Variants in PTPRK observed in about 807,000 individuals in gnomAD.
PTPRK encodes the protein receptor-type tyrosine-protein phosphatase kappa.
Under a neutral mutation model 178.0 loss-of-function variants are expected in PTPRK, and 75 were observed. That is an observed-to-expected ratio of 0.42 (90% confidence interval 0.35 to 0.51). The LOEUF (loss-of-function observed/expected upper bound fraction) is 0.51. Ranked by LOEUF, PTPRK falls within the 20% of genes least tolerant of loss-of-function variation. The pLI is 0.02. For missense variants in PTPRK, 1,441 were observed against 1,797.8 expected (o/e 0.80, Z 3.59); for synonymous variants, 637 against 620.6 (o/e 1.03, Z -0.39).
chr6:128,449,347 A>G (rs1847459248), intron 1 of PTPRK, among the ~76,000 whole-genome samples: 1 of 152,174 alleles, frequency 6.6e-6, no homozygotes, highest in South Asian at 2.1e-4. Context: ...AAAAGAGCTC[A>G]ATACCTATAC....
intron 1 of PTPRK, among the ~76,000 whole-genome samples, chr6:128,471,253 G>T (rs1171056611): frequency 6.6e-6 from 1 of 151,950 alleles, no homozygotes; most frequent in East Asian, 1.9e-4. Flanking sequence ...ATTTTACAGG[G>T]CATCCAGTTT....
Position 128,163,249 on chromosome 6 carries a change from A to G in PTPRK, c.1162+21183T>C, listed in dbSNP as rs557404972. 1.1e-4 allele frequency among the ~76,000 whole-genome samples: 16 copies of G among 151,384 alleles called. No homozygotes were observed. The East Asian group carries it at 2.9e-3, about 28-fold the overall frequency. On this transcript the variant is annotated intron_variant, in intron 7 of 29. Transcript: ENST00000368226. ...CTAAGCTCATGAGGTTGCTGAATTG[A>G]ATGCAATAATGGAGGTGAATCCTTA...
At chr6:128,408,404 A>G (rs1841947576) in intron 1 of PTPRK, among the ~76,000 whole-genome samples, 1 of 152,190 alleles carries the variant, frequency 6.6e-6, no homozygotes, top group African/African-American at 2.4e-5. Flanking sequence ...AAACAAACAA[A>G]AACTACCCCT....
At chr6:128,007,716 G>C (rs1583617613) in intron 14 of PTPRK, among the ~76,000 whole-genome samples, 1 of 150,974 alleles carries the variant, frequency 6.6e-6, no homozygotes, top group South Asian at 2.1e-4. Flanking sequence ...CTAGCTGAAT[G>C]AGGATATAAT....
At chr6:128,144,613 G>A (rs1050194075) in intron 7 of PTPRK, among the ~76,000 whole-genome samples, 32 of 151,788 alleles carry the variant, frequency 2.1e-4, no homozygotes, top group African/African-American at 7.5e-4. Flanking sequence ...ACCTAGCACT[G>A]TTTTTTTCAA....
At chr6:127,992,594 T>G in intron 19 of PTPRK, 79 bp downstream of exon 19, 1 of 1,259,186 alleles carries the variant, frequency 7.9e-7, no homozygotes, top group Non-Finnish European at 1.1e-6. Flanking sequence ...AGATAAAATT[T>G]AAAAAATAAT....
At chr6:128,374,857 T>C (rs1195437195) in intron 2 of PTPRK, among the ~76,000 whole-genome samples, 2 of 151,898 alleles carry the variant, frequency 1.3e-5, no homozygotes, top group East Asian at 3.9e-4. Context: ...TGACTTTATC[T>C]CCTATAACAA....
At chr6:128,112,652 C>A (rs1790860989) in intron 7 of PTPRK, among the ~76,000 whole-genome samples, 1 of 152,100 alleles carries the variant, frequency 6.6e-6, no homozygotes, top group Non-Finnish European at 1.5e-5. Flanking sequence ...TTGGCAAGTT[C>A]ATTTTCAAAA....
At chr6:127,986,605 G>A (rs1425740512) in intron 21 of PTPRK, among the ~76,000 whole-genome samples, 2 of 152,098 alleles carry the variant, frequency 1.3e-5, no homozygotes, top group Non-Finnish European at 2.9e-5. Flanking sequence ...TCTGTAGACT[G>A]AGGTAGCACA....
rs74879597 is a variant in PTPRK, at chr6:128,302,746, A to C, written c.495+19293T>G. Among the ~76,000 whole-genome samples the C allele has an allele frequency of 9.2e-5, 14 of 151,942 alleles. No individual in the cohort carries two copies. The East Asian group carries it at 2.5e-3, about 27-fold the overall frequency. On this transcript the variant is annotated intron_variant, in intron 3 of 29. Transcript: ENST00000368226. ...CTATCATAAATGTTGGTATTCATGA[A>C]CCCTTTTCATACTCTGTTTATTCTT...
chr6:128,314,304 T>C (rs1827696131), intron 3 of PTPRK, among the ~76,000 whole-genome samples: 1 of 152,232 alleles, frequency 6.6e-6, no homozygotes, highest in South Asian at 2.1e-4. Flanking sequence ...GTAGAATTCC[T>C]GGGACTATAG....
At chr6:128,195,135 A>G (rs2128253933) in intron 6 of PTPRK, among the ~76,000 whole-genome samples, 1 of 152,072 alleles carries the variant, frequency 6.6e-6, no homozygotes, top group Middle Eastern at 3.4e-3. Context: ...ACATTTGTAA[A>G]ATGTCATCAG....
intron 3 of PTPRK, among the ~76,000 whole-genome samples, chr6:128,310,176 T>G (rs1315084596): frequency 2.0e-5 from 3 of 152,190 alleles, no homozygotes; most frequent in Admixed American, 2.0e-4. Context: ...TTCTCTCTGA[T>G]TTCTGGTCAC....
At chr6:128,075,706 A>T (rs914076592) in intron 11 of PTPRK, among the ~76,000 whole-genome samples, 1 of 152,042 alleles carries the variant, frequency 6.6e-6, no homozygotes, top group African/African-American at 2.4e-5. Context: ...TATAGAATCC[A>T]TTGGCGATTT....
intron 7 of PTPRK, among the ~76,000 whole-genome samples, chr6:128,148,017 A>G (rs550716221): frequency 2.0e-5 from 3 of 152,192 alleles, no homozygotes; most frequent in Admixed American, 6.5e-5. Context: ...ATTTGAGTTG[A>G]CTGCTAAACT....
chr6:128,139,631 C>CCT (rs908463577), intron 7 of PTPRK, among the ~76,000 whole-genome samples: 1 of 151,982 alleles, frequency 6.6e-6, no homozygotes. Context: ...TCAATCTCTG[C>CCT]CTCTCTCTTT....
At chr6:128,218,179 T>G (rs936162000) in intron 6 of PTPRK, among the ~76,000 whole-genome samples, 3 of 152,312 alleles carry the variant, frequency 2.0e-5, no homozygotes, top group South Asian at 4.1e-4. Flanking sequence ...CTATATAGTC[T>G]GCCTAACATA....
intron 1 of PTPRK, among the ~76,000 whole-genome samples, chr6:128,407,449 C>A (rs1841792217): frequency 6.6e-6 from 1 of 151,744 alleles, no homozygotes; most frequent in Non-Finnish European, 1.5e-5. Context: ...CCAGCCTGGG[C>A]AACAAAGCGA....
chr6:127,970,143 G>A lies in PTPRK; in HGVS notation c.*84C>T. 1 of 1,090,028 alleles carries A rather than the reference G, an allele frequency of 9.2e-7. No homozygotes were observed. Among genetic ancestry groups the A allele is most frequent in the Non-Finnish European group, 1.3e-6 (1 of 752,488 alleles). The allele number at this position is 1,090,028 out of a possible 1,614,324, so 67.5% of individuals were successfully genotyped here. On this transcript the variant is annotated 3_prime_UTR_variant, in exon 30 of 30. Transcript: ENST00000368226. ...CCACCCCCCACATTAAAATCTTTCT[G>A]CACAAGTGTAACAGGTACAACAGCT...
Sources: allele counts gnomAD v4.1 joint callset (sites outside exome capture counted in the v4.1 genomes callset), GRCh38; gene constraint gnomAD v4.1.1; transcripts MANE v1.5; gene names NCBI Gene and HGNC (gene_info 2026-07-23, HGNC 2026-07-21).